The following ITGA9 variants were observed in gnomAD, a reference collection of about 807,000 sequenced individuals.
ITGA9 encodes integrin alpha-9.
In ITGA9, 56 loss-of-function variants were observed where a neutral mutation model predicts 127.8. That is an observed-to-expected ratio of 0.44 (90% CI 0.35 to 0.55). ITGA9 has a LOEUF of 0.55. ITGA9 is among the 20% of genes least tolerant of loss of function. The pLI, the probability that ITGA9 is intolerant of heterozygous loss-of-function variation, is 0.00. For missense variants in ITGA9, 1,196 were observed against 1,347.1 expected (o/e 0.89, Z 1.76); for synonymous variants, 508 against 514.5 (o/e 0.99, Z 0.17).
intron 15 of ITGA9, among the ~76,000 whole-genome samples, chr3:37,615,013 G>A (rs1401636635): frequency 3.9e-5 from 6 of 152,198 alleles, no homozygotes; most frequent in Non-Finnish European, 8.8e-5. Flanking sequence ...TTGAATAGGA[G>A]TGGTGGGAGA....
In ITGA9 at chr3:37,603,227, C is replaced by G. The variant is rs62241487; in HGVS notation, c.1690-25960C>G. On this transcript the variant is annotated intron_variant, in intron 15 of 27. Coordinates refer to ENST00000264741, the MANE Select transcript of ITGA9 (RefSeq NM_002207.3). The stretch of plus-strand genomic sequence containing the variant: ...GTTCAGCATTCATGGATTTGAAGAA[C>G]TGTGGGGTGAAAATATTCCAAAAAA... Among the ~76,000 whole-genome samples the G allele has an allele frequency of 3.4e-3, 510 of 150,564 alleles. 1 individual carries two copies. Among genetic ancestry groups the G allele is most frequent in the Non-Finnish European group, 6.1e-3 (411 of 67,582 alleles).
chr3:37,596,192 C>T (rs962387388), intron 15 of ITGA9, among the ~76,000 whole-genome samples: 5 of 152,156 alleles, frequency 3.3e-5, no homozygotes, highest in African/African-American at 1.2e-4. Context: ...TGTTGGTTTT[C>T]CCTGAGTGCA....
intron 15 of ITGA9, among the ~76,000 whole-genome samples, chr3:37,574,456 ATTATTCTTTCCTG>A (rs1699633463): frequency 6.6e-6 from 1 of 152,084 alleles, no homozygotes; most frequent in African/African-American, 2.4e-5. Context: ...TTTTTTTCCT[ATTATTCTTTCCTG>A]TTATTCCATA....
At chr3:37,534,616 C>G (rs1559530576) in intron 14 of ITGA9, among the ~76,000 whole-genome samples, 1 of 152,230 alleles carries the variant, frequency 6.6e-6, no homozygotes, top group Non-Finnish European at 1.5e-5. Context: ...GGCAATTTCT[C>G]TTGATCTTCA....
At chr3:37,638,133 G>T (rs1700298471) in intron 16 of ITGA9, among the ~76,000 whole-genome samples, 1 of 151,988 alleles carries the variant, frequency 6.6e-6, no homozygotes. Context: ...ATCATGGAAG[G>T]AATTTAGTAA....
Position 37,521,594 on chromosome 3 carries a change from T to C in ITGA9, c.1237-1927T>C, listed in dbSNP as rs1699044633. ...GGGTTATTAGCACTGGGCAGACTTA[T>C]CTTCTTGGCTTTTAGCATAATGGCC... On this transcript the variant is annotated intron_variant, in intron 11 of 27. Transcript: ENST00000264741. 3.9e-5 allele frequency among the ~76,000 whole-genome samples: 6 copies of C among 152,196 alleles called. No homozygotes were observed. In the South Asian group the frequency reaches 1.2e-3, roughly 32 times the overall value.
chr3:37,453,579 C>A (rs933340281), intron 1 of ITGA9, among the ~76,000 whole-genome samples: 1 of 152,138 alleles, frequency 6.6e-6, no homozygotes, highest in East Asian at 1.9e-4. Flanking sequence ...CGTTCAAGGT[C>A]GTGCCTCATG....
At position 37,806,036 on chromosome 3, in the gene ITGA9, A is replaced by G. The variant is rs932664718; in HGVS notation, c.3009+2094A>G. ...GGTCATACCAATTCACCCTCCCACA[A>G]GCAGTGTATCAGAAATGTCTGTTTG... On this transcript the variant is annotated intron_variant, in intron 27 of 27. Coordinates refer to ENST00000264741, the MANE Select transcript of ITGA9 (RefSeq NM_002207.3). This position sits in a 1 kb window ranked among gnomAD's most constrained non-coding sequence, Gnocchi z 4.3. 3 of 152,196 alleles carry G rather than the reference A, an allele frequency of 2.0e-5. No individual in the cohort carries two copies. The East Asian group carries it at 5.8e-4, about 29-fold the overall frequency. The allele number at this position is 152,196 out of a possible 1,614,324, so 9.4% of individuals were successfully genotyped here.
intron 20 of ITGA9, among the ~76,000 whole-genome samples, chr3:37,739,711 A>G (rs999866533): frequency 1.3e-5 from 2 of 151,634 alleles, no homozygotes; most frequent in East Asian, 1.9e-4. Flanking sequence ...CTTTATCTCA[A>G]CTCTTCAACT....
intron 27 of ITGA9, among the ~76,000 whole-genome samples, chr3:37,816,841 C>CT (rs1417430277): frequency 1.3e-5 from 2 of 152,208 alleles, no homozygotes; most frequent in African/African-American, 4.8e-5. Flanking sequence ...GAACACAAGA[C>CT]TCTTGCCAGT....
chr3:37,752,981 G>C (rs1411051406), intron 23 of ITGA9, among the ~76,000 whole-genome samples: 1 of 152,122 alleles, frequency 6.6e-6, no homozygotes, highest in African/African-American at 2.4e-5. Context: ...TAAAAACAGA[G>C]CCACGGTGGT....
At chr3:37,612,974 TAATTA>T (rs1559549188) in intron 15 of ITGA9, among the ~76,000 whole-genome samples, 3 of 149,890 alleles carry the variant, frequency 2.0e-5, no homozygotes, top group African/African-American at 7.4e-5. Context: ...TTTTTTTTTT[TAATTA>T]TACTTTAAGT....
intron 15 of ITGA9, among the ~76,000 whole-genome samples, chr3:37,544,923 T>C (rs1411294711): frequency 1.3e-5 from 2 of 152,372 alleles, no homozygotes; most frequent in African/African-American, 4.8e-5. Context: ...TGGCAGTTAC[T>C]GTCTGGGCTG....
intron 15 of ITGA9, among the ~76,000 whole-genome samples, chr3:37,626,055 C>A (rs1349679320): frequency 3.3e-5 from 5 of 152,228 alleles, no homozygotes; most frequent in African/African-American, 1.2e-4. Flanking sequence ...ACTCAGGTTT[C>A]CCTCCTCAGC....
chr3:37,571,436 A>G (rs1052257505), intron 15 of ITGA9, among the ~76,000 whole-genome samples: 2 of 152,236 alleles, frequency 1.3e-5, no homozygotes, highest in Non-Finnish European at 2.9e-5. Context: ...CTGTCTGGAC[A>G]TTAGCTGGAA....
In ITGA9 at chr3:37,629,432, C is replaced by T. The variant is rs1464383254; in HGVS notation, c.1839+96C>T. ...GTTGAGAGAGCCGTGGGCCTGGCTG[C>T]TCAGGAGACCGCAGCCAGGACACAC... On this transcript the variant is annotated intron_variant, in intron 16 of 27. Coordinates refer to ENST00000264741, the MANE Select transcript of ITGA9 (RefSeq NM_002207.3). This position sits in a 1 kb window ranked among gnomAD's most constrained non-coding sequence, Gnocchi z 4.5. 2 of 1,380,038 alleles carry T rather than the reference C, an allele frequency of 1.4e-6. No homozygotes were observed. Among genetic ancestry groups the T allele is most frequent in the African/African-American group, 2.9e-5 (2 of 70,048 alleles). The allele number at this position is 1,380,038 out of a possible 1,614,324, so 85.5% of individuals were successfully genotyped here.
At chr3:37,579,021 T>C (rs552027259) in intron 15 of ITGA9, among the ~76,000 whole-genome samples, 86 of 152,232 alleles carry the variant, frequency 5.6e-4, no homozygotes, top group Middle Eastern at 6.8e-3. Context: ...GTCCCCTCCA[T>C]CATGATTTAG....
chr3:37,476,480 C>A (rs1698495861), intron 3 of ITGA9, among the ~76,000 whole-genome samples: 1 of 151,930 alleles, frequency 6.6e-6, no homozygotes, highest in Non-Finnish European at 1.5e-5. Flanking sequence ...GCTTGTTGGT[C>A]ATTTTATATC....
chr3:37,584,541 G>A (rs1422416312), intron 15 of ITGA9, among the ~76,000 whole-genome samples: 1 of 152,100 alleles, frequency 6.6e-6, no homozygotes, highest in African/African-American at 2.4e-5. Flanking sequence ...TGGATCATGA[G>A]GTCAAGAGAT....
Sources: gnomAD v4.1 joint callset for allele counts (sites outside exome capture counted in the v4.1 genomes callset) on GRCh38, gnomAD v4.1.1 for gene constraint, Gnocchi (gnomAD v3.1) non-coding constraint, MANE v1.5 for transcripts, NCBI Gene and HGNC (gene_info 2026-07-23, HGNC 2026-07-21) for gene names.